The following STK3 variants were observed in gnomAD, a reference collection of about 807,000 sequenced individuals.
STK3 encodes the protein serine/threonine kinase 3, also known as serine/threonine-protein kinase 3.
In STK3, 41 loss-of-function variants were observed where a neutral mutation model predicts 58.0. That is an observed-to-expected ratio of 0.71 (90% CI 0.55 to 0.92). The LOEUF (loss-of-function observed/expected upper bound fraction) is 0.92. Ranked by LOEUF, STK3 falls within the 40% of genes least tolerant of loss-of-function variation. STK3 has a pLI of 0.00. For synonymous variants in STK3, 170 were observed against 191.0 expected, an observed-to-expected ratio of 0.89 and a Z score of 0.91; for missense variants, 479 against 602.7, an observed-to-expected ratio of 0.79 and a Z score of 2.15.
At chr8:98,933,519 G>A (rs1315513322) in intron 1 of STK3, among the ~76,000 whole-genome samples, 1 of 151,934 alleles carries the variant, frequency 6.6e-6, no homozygotes, top group Non-Finnish European at 1.5e-5. Context: ...TGAATTACAG[G>A]GTAGAATATA....
intron 8 of STK3, among the ~76,000 whole-genome samples, chr8:98,558,331 T>C (rs1206150464): frequency 6.6e-6 from 1 of 152,068 alleles, no homozygotes; most frequent in African/African-American, 2.4e-5. Flanking sequence ...CTTTCAGAAA[T>C]AGGCTAATGG....
intron 1 of STK3, among the ~76,000 whole-genome samples, chr8:98,903,487 GTTC>G (rs71572029): frequency 0.016 from 2,207 of 139,694 alleles, 58 homozygotes; most frequent in Non-Finnish European, 0.027. Flanking sequence ...AATTTAGGAA[GTTC>G]TTCTTCTTCT....
chr8:98,791,357 G>A (rs1832790249), intron 1 of STK3, among the ~76,000 whole-genome samples: 1 of 152,156 alleles, frequency 6.6e-6, no homozygotes, highest in Non-Finnish European at 1.5e-5. Context: ...CATGCTCATT[G>A]ATGGGTAGAA....
the STK3 span, among the ~76,000 whole-genome samples, chr8:98,346,135 A>G: frequency 2.0e-5 from 3 of 151,918 alleles, no homozygotes; most frequent in Non-Finnish European, 4.4e-5. Flanking sequence ...AAATACAAAA[A>G]TTAGCCAGGC....
intron 4 of STK3, among the ~76,000 whole-genome samples, chr8:98,713,100 C>G (rs1055274335): frequency 6.6e-6 from 1 of 152,098 alleles, no homozygotes; most frequent in Non-Finnish European, 1.5e-5. Flanking sequence ...AACAAAGACA[C>G]AACATACCAG....
At chr8:98,591,290 ATTGTGTT>A (rs1815290467) in intron 7 of STK3, among the ~76,000 whole-genome samples, 1 of 152,160 alleles carries the variant, frequency 6.6e-6, no homozygotes, top group Non-Finnish European at 1.5e-5. Context: ...TTTTTTGGAT[ATTGTGTT>A]TTGTGTTTTC....
At chr8:98,635,316 T>TG (rs1275635657) in intron 6 of STK3, among the ~76,000 whole-genome samples, 1 of 152,236 alleles carries the variant, frequency 6.6e-6, no homozygotes, top group Admixed American at 6.5e-5. Context: ...GCACTTATTA[T>TG]GTATGGGGCA....
intron 3 of STK3, among the ~76,000 whole-genome samples, chr8:98,766,622 C>G (rs1464571840): frequency 3.9e-5 from 6 of 152,140 alleles, no homozygotes; most frequent in Non-Finnish European, 8.8e-5. Context: ...CACTATGTTG[C>G]TCAGACTGGC....
At chr8:98,406,849 C>T (rs1285225425) in intron 3 of STK3, among the ~76,000 whole-genome samples, 9 of 152,312 alleles carry the variant, frequency 5.9e-5, no homozygotes, top group Non-Finnish European at 2.9e-5. Flanking sequence ...TACTTTCCTT[C>T]TTCCTGTGCG....
At chr8:98,595,927 T>C (rs1465093927) in intron 7 of STK3, 105 bp downstream of exon 7, 8 of 1,325,090 alleles carry the variant, frequency 6.0e-6, no homozygotes, top group Non-Finnish European at 8.1e-6. Context: ...AGGGGAGGTT[T>C]ACATCTTTAG....
In STK3 at chr8:98,696,865, G is replaced by A. The variant is rs181462697; in HGVS notation, c.684+9602C>T. Among the ~76,000 whole-genome samples the A allele has an allele frequency of 6.8e-3, 1,033 of 152,254 alleles. 9 individuals are homozygous for A. The highest frequency in any genetic ancestry group is 0.023 in the African/African-American group (941 of 41,536). Reference sequence around the variant, plus strand: ...AGGCTTTGGTATCAGGATGACGCTGGCCTCATAAAATGAGTTAGGGAGGAT... The same window carrying A: ...AGGCTTTGGTATCAGGATGACGCTGACCTCATAAAATGAGTTAGGGAGGAT... On this transcript the variant is annotated intron_variant, in intron 6 of 10. Coordinates refer to ENST00000419617, the MANE Select transcript of STK3 (RefSeq NM_006281.4).
intron 6 of STK3, among the ~76,000 whole-genome samples, chr8:98,611,138 C>T (rs1817161612): frequency 6.6e-6 from 1 of 152,002 alleles, no homozygotes; most frequent in Non-Finnish European, 1.5e-5. Context: ...CACAATAAAA[C>T]AATACACTAG....
chr8:98,733,434 C>A (rs1458200798), intron 4 of STK3, among the ~76,000 whole-genome samples: 1 of 152,146 alleles, frequency 6.6e-6, no homozygotes, highest in Non-Finnish European at 1.5e-5. Flanking sequence ...GGAGAATAAA[C>A]CCTATTGTGA....
At chr8:98,402,296 C>T (rs1268448832) in intron 3 of STK3, among the ~76,000 whole-genome samples, 5 of 152,200 alleles carry the variant, frequency 3.3e-5, no homozygotes, top group African/African-American at 1.2e-4. Flanking sequence ...ATAGCAGAAT[C>T]TTTCCCCAAG....
chr8:98,799,942 AC>A (rs1275502013), intron 1 of STK3, among the ~76,000 whole-genome samples: 1 of 152,166 alleles, frequency 6.6e-6, no homozygotes, highest in Non-Finnish European at 1.5e-5. Flanking sequence ...AGGACTCTGC[AC>A]CTTCCTAGGG....
chr8:98,812,076 G>C (rs1433138753), intron 1 of STK3, among the ~76,000 whole-genome samples: 2 of 151,940 alleles, frequency 1.3e-5, no homozygotes, highest in Non-Finnish European at 2.9e-5. Context: ...TACCAAAGTG[G>C]TGGGATTACA....
Position 98,455,639 on chromosome 8 carries a change from C to T in STK3, c.*203G>A. On this transcript the variant is annotated 3_prime_UTR_variant, in exon 11 of 11. Coordinates refer to ENST00000419617, the MANE Select transcript of STK3 (RefSeq NM_006281.4). Reference sequence around the variant, plus strand: ...AACAAGAGAATACACTTCTTTTGTTCTCCTCATCTTAGAGTGAATGCACAG... The same window carrying T: ...AACAAGAGAATACACTTCTTTTGTTTTCCTCATCTTAGAGTGAATGCACAG... The T allele has an allele frequency of 1.7e-6, 1 of 589,764 alleles. No homozygotes were observed. Among genetic ancestry groups the T allele is most frequent in the Non-Finnish European group, 3.0e-6 (1 of 337,296 alleles). 36.5% of individuals were successfully genotyped at this position (589,764 alleles called of 1,614,324 possible). A position where few individuals can be genotyped will look rare whatever the true frequency, so the allele number is the denominator to read the frequency against.
chr8:98,723,380 T>A (rs1827572851), intron 4 of STK3, among the ~76,000 whole-genome samples: 1 of 152,168 alleles, frequency 6.6e-6, no homozygotes, highest in Admixed American at 6.5e-5. Context: ...GTCCTCTGGT[T>A]ACTTTTGTTT....
chr8:98,434,833 A>T (rs1046729137), intron 2 of STK3, among the ~76,000 whole-genome samples: 2 of 152,202 alleles, frequency 1.3e-5, no homozygotes, highest in Non-Finnish European at 2.9e-5. Flanking sequence ...AGGGAACAGG[A>T]TAGAGTGAAT....
Sources: gnomAD v4.1 joint callset for allele counts (sites outside exome capture counted in the v4.1 genomes callset) on GRCh38, gnomAD v4.1.1 for gene constraint, MANE v1.5 for transcripts, NCBI Gene and HGNC (gene_info 2026-07-23, HGNC 2026-07-21) for gene names.